The following HDAC9 variants were observed in gnomAD, a reference collection of about 807,000 sequenced individuals.
The protein encoded by HDAC9 is MEF-2 interacting transcription repressor (MITR) protein.
A neutral mutation model predicts 139.4 loss-of-function variants in HDAC9; 41 were observed. The ratio of observed to expected loss-of-function variants is 0.29; its 90% CI spans 0.23 to 0.38. The LOEUF (loss-of-function observed/expected upper bound fraction) is 0.38. HDAC9 is among the 10% of genes least tolerant of loss of function. The pLI is 1.00. For synonymous variants in HDAC9, 517 were observed against 476.2 expected (o/e 1.09, Z -1.12); for missense variants, 1,147 against 1,297.0 (o/e 0.88, Z 1.78).
intron 1 of HDAC9, among the ~76,000 whole-genome samples, chr7:18,333,755 T>C (rs1217789111): frequency 6.6e-6 from 1 of 151,420 alleles, no homozygotes; most frequent in African/African-American, 2.4e-5. Context: ...AATCTAGCAA[T>C]GTTAAGGAGA....
intron 21 of HDAC9, among the ~76,000 whole-genome samples, chr7:18,862,175 C>T (rs1308796467): frequency 6.6e-6 from 1 of 152,136 alleles, no homozygotes; most frequent in Non-Finnish European, 1.5e-5. Flanking sequence ...TTCTGAAAGG[C>T]CAGGGGCAAA....
At chr7:18,460,065 A>G (rs1586063127) in intron 1 of HDAC9, among the ~76,000 whole-genome samples, 1 of 151,678 alleles carries the variant, frequency 6.6e-6, no homozygotes, top group Non-Finnish European at 1.5e-5. Flanking sequence ...GACTACAGAC[A>G]TGTACTACCA....
chr7:18,786,294 A>G (rs117649611), intron 16 of HDAC9, among the ~76,000 whole-genome samples: 1,986 of 152,236 alleles, frequency 0.013, 23 homozygotes, highest in Admixed American at 0.021. Flanking sequence ...AAATAGATGT[A>G]TAACTAGCGC....
chr7:18,335,558 A>G (rs1781523302), intron 1 of HDAC9, among the ~76,000 whole-genome samples: 1 of 151,466 alleles, frequency 6.6e-6, no homozygotes, highest in South Asian at 2.1e-4. Context: ...AGCCTGGGAG[A>G]GTAAAAGGGC....
intron 1 of HDAC9, among the ~76,000 whole-genome samples, chr7:18,299,411 A>G (rs1283872333): frequency 6.6e-6 from 1 of 152,130 alleles, no homozygotes; most frequent in Non-Finnish European, 1.5e-5. Flanking sequence ...ATTTCAAGAT[A>G]TATTTTTTTT....
At chr7:18,466,660 C>T (rs1047389393) in intron 1 of HDAC9, among the ~76,000 whole-genome samples, 2 of 152,218 alleles carry the variant, frequency 1.3e-5, no homozygotes, top group African/African-American at 2.4e-5. Flanking sequence ...CCCAAATAAT[C>T]CAGGATAATC....
At chr7:18,538,439 T>G (rs1414785142) in intron 2 of HDAC9, among the ~76,000 whole-genome samples, 1 of 152,224 alleles carries the variant, frequency 6.6e-6, no homozygotes, top group African/African-American at 2.4e-5. Context: ...TATGTTGTGG[T>G]AGATGAAAGG....
chr7:18,477,648 G>A (rs1055218992), intron 1 of HDAC9, among the ~76,000 whole-genome samples: 1 of 152,090 alleles, frequency 6.6e-6, no homozygotes, highest in Non-Finnish European at 1.5e-5. Flanking sequence ...GAAACTTAAA[G>A]CCAGAGAGGA....
chr7:18,713,412 C>T (rs1235030625), intron 12 of HDAC9, among the ~76,000 whole-genome samples: 1 of 152,058 alleles, frequency 6.6e-6, no homozygotes, highest in Non-Finnish European at 1.5e-5. Flanking sequence ...AACAGAGACA[C>T]AAAATAATTA....
At chr7:18,836,937 A>G (rs1796278471) in intron 21 of HDAC9, among the ~76,000 whole-genome samples, 1 of 152,070 alleles carries the variant, frequency 6.6e-6, no homozygotes, top group Admixed American at 6.6e-5. Flanking sequence ...ATAAGTTCCC[A>G]TGAAGAAAAT....
At chr7:18,409,541 A>G (rs6970476) in intron 1 of HDAC9, among the ~76,000 whole-genome samples, 128,598 of 152,160 alleles carry the variant, frequency 0.85, 57,274 homozygotes, top group Non-Finnish European at 0.99. Flanking sequence ...ACCCTCAGAA[A>G]CTGCCCTTGT....
intron 2 of HDAC9, among the ~76,000 whole-genome samples, chr7:18,534,197 C>T (rs1393591372): frequency 4.6e-5 from 7 of 152,124 alleles, no homozygotes; most frequent in African/African-American, 9.7e-5. Flanking sequence ...CTGGTATAGA[C>T]GGCATGGACA....
rs540586571 is a variant in HDAC9, at chr7:18,998,801, A to G, written c.*2739A>G. 16 of 152,342 alleles carry G rather than the reference A, an allele frequency of 1.1e-4. No homozygotes were observed. The highest frequency in any genetic ancestry group is 2.1e-4 in the South Asian group (1 of 4,828). The allele number at this position is 152,342 out of a possible 1,614,324, so 9.4% of individuals were successfully genotyped here. ...ATACGCTCTCTCATGGTCTCATGGT[A>G]TCTCATACAGGGTGAATAAAAATGA... On this transcript the variant is annotated 3_prime_UTR_variant, in exon 26 of 26. Transcript: ENST00000686413.
intron 2 of HDAC9, among the ~76,000 whole-genome samples, chr7:18,174,903 A>T (rs1259511338): frequency 6.6e-6 from 1 of 152,162 alleles, no homozygotes; most frequent in Non-Finnish European, 1.5e-5. Context: ...GTTAGGCTAC[A>T]TGGCGGCCAG....
chr7:18,201,916 T>C (rs1322484304), intron 2 of HDAC9, among the ~76,000 whole-genome samples: 3 of 152,214 alleles, frequency 2.0e-5, no homozygotes, highest in Non-Finnish European at 4.4e-5. Flanking sequence ...TAGCCGGTAA[T>C]GAGAGATGGC....
At chr7:18,435,439 A>G (rs1208711935) in intron 1 of HDAC9, among the ~76,000 whole-genome samples, 2 of 152,134 alleles carry the variant, frequency 1.3e-5, no homozygotes, top group Non-Finnish European at 2.9e-5. Flanking sequence ...GGCTATATAG[A>G]CTATGGTAAC....
At chr7:18,160,146 G>A (rs1223958244) in intron 1 of HDAC9, among the ~76,000 whole-genome samples, 2 of 152,168 alleles carry the variant, frequency 1.3e-5, no homozygotes, top group East Asian at 1.9e-4. Flanking sequence ...GCAAAGTGAC[G>A]TTAAAGATGA....
intron 12 of HDAC9, among the ~76,000 whole-genome samples, chr7:18,684,776 TTATATG>T (rs1178105231): frequency 1.2e-4 from 18 of 152,052 alleles, no homozygotes; most frequent in African/African-American, 4.1e-4. Context: ...ACACATATAT[TTATATG>T]TATATGTATA....
chr7:18,873,129 G>A (rs1029982033), intron 21 of HDAC9, among the ~76,000 whole-genome samples: 1 of 152,058 alleles, frequency 6.6e-6, no homozygotes, highest in Admixed American at 6.6e-5. Flanking sequence ...TGTAAGGTTT[G>A]TAATTACTGG....
Sources: allele counts gnomAD v4.1 joint callset (sites outside exome capture counted in the v4.1 genomes callset), GRCh38; gene constraint gnomAD v4.1.1; transcripts MANE v1.5; gene names NCBI Gene and HGNC (gene_info 2026-07-23, HGNC 2026-07-21).